BEST4: variants seen among roughly 807,000 people sequenced by gnomAD.
BEST4 encodes the protein bestrophin 4.
A neutral mutation model predicts 47.1 loss-of-function variants in BEST4; 36 were observed. The observed-to-expected ratio is 0.76, with a 90% CI of 0.59 to 1.01. The LOEUF is 1.01. Among genes scored for constraint, BEST4 ranks in the 50% least tolerant of loss-of-function variants. The pLI is 0.00. For missense variants in BEST4, 550 were observed against 648.6 expected (o/e 0.85, Z 1.65); for synonymous variants, 250 against 277.8 (o/e 0.90, Z 1.00).
chr1:44,788,438 A>G (rs188969245), upstream of BEST4, among the ~76,000 whole-genome samples: 35 of 152,326 alleles, frequency 2.3e-4, no homozygotes, highest in Admixed American at 4.6e-4. Flanking sequence ...GTGGGAAGAC[A>G]GATGCATGAT....
In BEST4 at chr1:44,786,701, T is replaced by C; in HGVS notation, c.248-5A>G. 6.5e-7 allele frequency: 1 copy of C among 1,545,734 alleles called. No individual in the cohort carries two copies. The highest frequency in any genetic ancestry group is 1.2e-5 in the South Asian group (1 of 83,874). ...CCACGAGAGTCACATAGAAACCTGCTTGGCCGCCGTGATAGAGGGAGTAGG... is the reference window on the plus strand; with the variant it reads ...CCACGAGAGTCACATAGAAACCTGCCTGGCCGCCGTGATAGAGGGAGTAGG... On this transcript the variant is annotated splice_region_variant and splice_polypyrimidine_tract_variant and intron_variant, in intron 2 of 8. Transcript: ENST00000372207. This position sits in a 1 kb window ranked among gnomAD's most constrained non-coding sequence, Gnocchi z 4.9.
rs1230813010 is a variant in BEST4, at chr1:44,786,656, C to CT, written c.287dup (p.Tyr97ValfsTer17). 3 of 1,551,578 alleles carry CT rather than the reference C, an allele frequency of 1.9e-6. No individual in the cohort carries two copies. The South Asian group carries it at 3.6e-5, about 18-fold the overall frequency. On this transcript the variant is annotated frameshift_variant, in exon 3 of 9. Coordinates refer to ENST00000372207, the MANE Select transcript of BEST4 (RefSeq NM_153274.3). LOFTEE classifies it high-confidence loss of function. The surrounding 1 kb of genome is among the most constrained non-coding windows in gnomAD (Gnocchi z 4.9). ...GGTCTGGCAGCGGGATGCTTGTGTA[C>CT]TGGGACCACCAGCGGTTCACCACGA...
At chr1:44,785,761 G>C in intron 4 of BEST4, 85 bp from the exon 5 acceptor site, 1 of 1,210,752 alleles carries the variant, frequency 8.3e-7, no homozygotes, top group Admixed American at 2.1e-5. Context: ...GGCCTGGCCA[G>C]GAGGCTCTTT....
upstream of BEST4, among the ~76,000 whole-genome samples, chr1:44,790,667 T>G (rs1337114419): frequency 6.6e-6 from 1 of 152,122 alleles, no homozygotes. Flanking sequence ...TCCTGACACT[T>G]TGGGAGGCTG....
intron 4 of BEST4, 147 bp downstream of exon 4, chr1:44,785,927 A>G: frequency 2.0e-6 from 2 of 1,024,266 alleles, no homozygotes; most frequent in South Asian, 3.2e-5. Context: ...AGTTGCTGTA[A>G]GGGATGAATG....
chr1:44,788,430 G>T (rs1651322527), upstream of BEST4, among the ~76,000 whole-genome samples: 1 of 152,180 alleles, frequency 6.6e-6, no homozygotes, highest in South Asian at 2.1e-4. Flanking sequence ...CGTTTCAGGT[G>T]GGAAGACAGA....
chr1:44,786,234 G>T lies in BEST4; in HGVS notation c.482-6C>A, dbSNP rs201590874. On this transcript the variant is annotated splice_polypyrimidine_tract_variant and splice_region_variant and intron_variant, in intron 3 of 8. Coordinates refer to ENST00000372207, the MANE Select transcript of BEST4 (RefSeq NM_153274.3). This position sits in a 1 kb window ranked among gnomAD's most constrained non-coding sequence, Gnocchi z 4.9. Reference sequence around the variant, plus strand: ...CTCTTCCTGGGACATGAAACCTGAGGGGGTAAAGCAGGTGGGGTGCAGTTG... The same window carrying T: ...CTCTTCCTGGGACATGAAACCTGAGTGGGTAAAGCAGGTGGGGTGCAGTTG... The T allele has an allele frequency of 9.3e-6, 15 of 1,609,274 alleles. No individual in the cohort carries two copies. Among genetic ancestry groups the T allele is most frequent in the African/African-American group, 6.7e-5 (5 of 74,716 alleles).
In BEST4 at chr1:44,785,123, A is replaced by C; in HGVS notation, c.897T>G (p.Tyr299Ter). The C allele has an allele frequency of 2.5e-6, 4 of 1,613,818 alleles. No homozygotes were observed. Among genetic ancestry groups the C allele is most frequent in the Non-Finnish European group, 3.4e-6 (4 of 1,179,882 alleles). ...PLTTLLQFFF[Y>*]AGWLKVAEQI... is the part of the protein sequence containing the mutation. ...CAGTGCCCACCTTGAGCCAGCCAGC[A>C]TAGAAGAAGAACTGCAGCAGAGTGG... The change falls in exon 6 of 9, where the codon TAT becomes TAG. Residue 299 changes from tyrosine (Y) to a stop codon, truncating the protein, a stop_gained. Coordinates refer to ENST00000372207, the MANE Select transcript of BEST4 (RefSeq NM_153274.3). LOFTEE classifies it high-confidence loss of function.
chr1:44,791,776 G>A (rs559521571), upstream of BEST4, among the ~76,000 whole-genome samples: 1 of 151,964 alleles, frequency 6.6e-6, no homozygotes, highest in Non-Finnish European at 1.5e-5. Flanking sequence ...CCTCCCTATT[G>A]GTCCTGCCCA....
At chr1:44,788,177 G>C (rs1490768599), upstream of BEST4, among the ~76,000 whole-genome samples, 1 of 152,200 alleles carries the variant, frequency 6.6e-6, no homozygotes, top group African/African-American at 2.4e-5. Flanking sequence ...AACTGGGCTA[G>C]ACTTCAACCC....
upstream of BEST4, among the ~76,000 whole-genome samples, chr1:44,791,505 G>C (rs969793642): frequency 6.6e-6 from 1 of 151,902 alleles, no homozygotes; most frequent in Non-Finnish European, 1.5e-5. Flanking sequence ...ACCGCCACCC[G>C]CACCTGTGGC....
chr1:44,792,357 G>A (rs1485702338), upstream of BEST4, among the ~76,000 whole-genome samples: 1 of 151,204 alleles, frequency 6.6e-6, no homozygotes, highest in Non-Finnish European at 1.5e-5. Flanking sequence ...AACCTGGGAG[G>A]TGGAGGTTAC....
chr1:44,789,486 G>T (rs1158610903), upstream of BEST4, among the ~76,000 whole-genome samples: 1 of 151,340 alleles, frequency 6.6e-6, no homozygotes, highest in Non-Finnish European at 1.5e-5. Context: ...ATCACCTGAG[G>T]TCGGGAGTTC....
In BEST4 at chr1:44,786,089, G is replaced by C; in HGVS notation, c.621C>G (p.Leu207=). The change falls in exon 4 of 9, where the codon CTC becomes CTG. Residue 207 remains leucine (L), a synonymous_variant. Coordinates refer to ENST00000372207, the MANE Select transcript of BEST4 (RefSeq NM_153274.3). This position sits in a 1 kb window ranked among gnomAD's most constrained non-coding sequence, Gnocchi z 4.9. ...RDGRIRDDIA[L]CLLLEELNKY... ...GCCCACTCACTTCCAAAAGTAGACA[G>C]AGAGCGATATCGTCACGTATTCGCC... 2 of 1,608,074 alleles carry C rather than the reference G, an allele frequency of 1.2e-6. No homozygotes were observed. The highest frequency in any genetic ancestry group is 1.1e-5 in the South Asian group (1 of 90,428).
chr1:44,784,476 C>T lies in BEST4; in HGVS notation c.1156G>A (p.Asp386Asn). ...ACCTGCAGGCTCTGCTCAGGGTCGT[C>T]GCTCATGCTGCGGGCGGGAGGGCGG... is the stretch of plus-strand genomic sequence containing the variant. Reference protein sequence around the residue: ...LGSTFNLRMSDDPEQSLQVEA... With the variant: ...LGSTFNLRMSNDPEQSLQVEA... The change falls in exon 9 of 9, where the codon GAC becomes AAC. Residue 386 changes from aspartate to asparagine, a missense_variant. Physicochemically the swap from Asp to Asn is conservative, Grantham distance 23. Transcript: ENST00000372207. The surrounding 1 kb of genome is among the most constrained non-coding windows in gnomAD (Gnocchi z 6.2). The T allele has an allele frequency of 7.2e-7, 1 of 1,385,726 alleles. No homozygotes were observed. The highest frequency in any genetic ancestry group is 1.5e-5 in the African/African-American group (1 of 67,432). 85.8% of individuals were successfully genotyped at this position (1,385,726 alleles called of 1,614,324 possible). A position where few individuals can be genotyped will look rare whatever the true frequency, so the allele number is the denominator to read the frequency against.
In BEST4 at chr1:44,784,918, T is replaced by G; in HGVS notation, c.980A>C (p.Asp327Ala). ...DDDFETNQLI[D>A]RNLQVSLLSV... ...ATGCTTGCTCACCTGCAAGTTGCGG[T>G]CTATGAGCTGATTTGTCTCAAAGTC... is the stretch of plus-strand genomic sequence containing the variant. The change falls in exon 7 of 9, where the codon GAC becomes GCC. Residue 327 changes from aspartate (D) to alanine (A), a missense_variant. Around this residue, in one of 3 missense-constraint regions of BEST4, gnomAD observed 255 missense variants for 286.6 expected, o/e 0.89. Coordinates refer to ENST00000372207, the MANE Select transcript of BEST4 (RefSeq NM_153274.3). This position sits in a 1 kb window ranked among gnomAD's most constrained non-coding sequence, Gnocchi z 6.2. 6.2e-7 allele frequency: 1 copy of G among 1,614,106 alleles called. No individual in the cohort carries two copies.
chr1:44,785,293 C>A lies in BEST4; in HGVS notation c.727G>T (p.Ala243Ser). The change falls in exon 6 of 9, where the codon GCC becomes TCC. Residue 243 changes from alanine to serine, a missense_variant. Ala to Ser is a moderately conservative substitution (Grantham distance 99, BLOSUM62 1). Around this residue, in one of 3 missense-constraint regions of BEST4, gnomAD observed 291 missense variants for 342.4 expected, o/e 0.85. Coordinates refer to ENST00000372207, the MANE Select transcript of BEST4 (RefSeq NM_153274.3). Reference protein sequence around the residue: ...PLVYTQVVTIAVYSFFALSLV... With the variant: ...PLVYTQVVTISVYSFFALSLV... ...GAGAGGGCAAAGAAAGAGTAGACGG[C>A]TATGGTCACCACCTGGAGAATGAAG... 6.3e-7 allele frequency: 1 copy of A among 1,599,242 alleles called. No individual in the cohort carries two copies. Among genetic ancestry groups the A allele is most frequent in the Non-Finnish European group, 8.5e-7 (1 of 1,172,066 alleles).
At chr1:44,788,513 A>G (rs181337967), upstream of BEST4, among the ~76,000 whole-genome samples, 10 of 152,366 alleles carry the variant, frequency 6.6e-5, no homozygotes, top group Non-Finnish European at 1.5e-4. Context: ...AACCATGCCA[A>G]GGGCACTACT....
At position 44,784,758 on chromosome 1, in the gene BEST4, A is replaced by C; in HGVS notation, c.1019T>G (p.Met340Arg). 1.9e-6 allele frequency: 3 copies of C among 1,597,614 alleles called. No individual in the cohort carries two copies. The highest frequency in any genetic ancestry group is 1.3e-5 in the African/African-American group (1 of 74,754). The change falls in exon 8 of 9, where the codon ATG (methionine) becomes AGG (arginine). Residue 340 changes from methionine to arginine, a missense_variant. By Grantham distance (91) the Met-to-Arg change is moderately conservative (BLOSUM62 -1). Transcript: ENST00000372207. This position sits in a 1 kb window ranked among gnomAD's most constrained non-coding sequence, Gnocchi z 6.2. The stretch of plus-strand genomic sequence containing the variant: ...CTCAGCGGGGGGAAGGTTCTGGTAC[A>C]TTTCGTCCACGGATAGCAGGGACAC... Reference protein sequence around the residue: ...LQVSLLSVDEMYQNLPPAEKD... With the variant: ...LQVSLLSVDERYQNLPPAEKD...
Sources: gnomAD v4.1 joint callset for allele counts (sites outside exome capture counted in the v4.1 genomes callset) on GRCh38, gnomAD v4.1.1 for gene constraint, gnomAD v4.1.1 regional missense constraint, Gnocchi (gnomAD v3.1) non-coding constraint, MANE v1.5 for transcripts, NCBI Gene and HGNC (gene_info 2026-07-23, HGNC 2026-07-21) for gene names.